GRK5: variants seen among roughly 807,000 people sequenced by gnomAD.
GRK5 encodes g protein-coupled receptor kinase GRK5.
In GRK5, 40 loss-of-function variants were observed where a neutral mutation model predicts 78.4. The ratio of observed to expected loss-of-function variants is 0.51; its 90% CI spans 0.40 to 0.66. The LOEUF is 0.66. Among genes scored for constraint, GRK5 ranks in the 30% least tolerant of loss-of-function variants. The pLI, the probability that GRK5 is intolerant of heterozygous loss-of-function variation, is 0.00. For missense variants in GRK5, 598 were observed against 759.9 expected (o/e 0.79, Z 2.50); for synonymous variants, 289 against 296.8 (o/e 0.97, Z 0.27).
intron 5 of GRK5, 105 bp downstream of exon 5, chr10:119,423,371 C>T (rs1260321261): frequency 5.4e-6 from 4 of 741,748 alleles, no homozygotes; most frequent in East Asian, 5.0e-5. Context: ...TCTTCCATGC[C>T]TGACAGCTTC....
intron 2 of GRK5, among the ~76,000 whole-genome samples, chr10:119,369,007 T>C (rs1026354111): frequency 1.3e-5 from 2 of 152,178 alleles, no homozygotes; most frequent in Non-Finnish European, 2.9e-5. Context: ...TGTTGGTTTG[T>C]TCAATCATTC....
At chr10:119,409,320 C>G (rs556728463) in intron 4 of GRK5, among the ~76,000 whole-genome samples, 43 of 152,360 alleles carry the variant, frequency 2.8e-4, no homozygotes, top group African/African-American at 7.0e-4. Context: ...TCCTGACGCC[C>G]TTGAGGCTGA....
rs1214375488 is a variant in GRK5, at chr10:119,456,413, GC to G, written c.*1351del. ...GCCAGCCCAGGGGCCTCTGAAGGCA[GC>G]CCCCAGACCCTTGTAGCAGGGCTGT... On this transcript the variant is annotated 3_prime_UTR_variant, in exon 16 of 16. Coordinates refer to ENST00000392870, the MANE Select transcript of GRK5 (RefSeq NM_005308.3). This position sits in a 1 kb window ranked among gnomAD's most constrained non-coding sequence, Gnocchi z 5.5. The G allele has an allele frequency of 6.6e-6, 1 of 152,228 alleles. No homozygotes were observed. The highest frequency in any genetic ancestry group is 1.5e-5 in the Non-Finnish European group (1 of 68,062). 9.4% of individuals were successfully genotyped at this position (152,228 alleles called of 1,614,324 possible).
Position 119,436,755 on chromosome 10 carries a change from TG to T in GRK5, c.845del (p.Gly282AlafsTer18), listed in dbSNP as rs1852927233. 6.2e-7 allele frequency: 1 copy of T among 1,614,182 alleles called. No individual in the cohort carries two copies. ...TCCACATCTACAACATGGGCAACCC[TG>T]GCTTCGAGGAGGAGCGGGCCTTGTT... is the stretch of plus-strand genomic sequence containing the variant. ...KFHIYNMGNP[G>X]FEEERALFYA... On this transcript the variant is annotated frameshift_variant, in exon 9 of 16. Coordinates refer to ENST00000392870, the MANE Select transcript of GRK5 (RefSeq NM_005308.3). LOFTEE classifies it high-confidence loss of function.
chr10:119,327,153 T>A (rs78191276), intron 2 of GRK5, among the ~76,000 whole-genome samples: 10,464 of 152,154 alleles, frequency 0.069, 936 homozygotes, highest in African/African-American at 0.21. Flanking sequence ...GCTGGGGATG[T>A]CAGTGCTCCT....
intron 4 of GRK5, among the ~76,000 whole-genome samples, chr10:119,418,021 G>C (rs1537576): frequency 0.39 from 58,573 of 152,082 alleles, 12,775 homozygotes; most frequent in Admixed American, 0.48. Context: ...TAGGGAAGAG[G>C]TGGTAAGAAG....
intron 1 of GRK5, among the ~76,000 whole-genome samples, chr10:119,321,535 T>C (rs1850586176): frequency 6.6e-6 from 1 of 152,220 alleles, no homozygotes; most frequent in Non-Finnish European, 1.5e-5. Flanking sequence ...ATTGCATCAC[T>C]CTGACACTGG....
At chr10:119,276,888 A>C (rs937120783) in intron 1 of GRK5, among the ~76,000 whole-genome samples, 1 of 152,230 alleles carries the variant, frequency 6.6e-6, no homozygotes, top group Non-Finnish European at 1.5e-5. Flanking sequence ...CTTGTGTGAA[A>C]GAGGAATAGC....
intron 8 of GRK5, among the ~76,000 whole-genome samples, chr10:119,434,900 T>C (rs929164387): frequency 2.6e-5 from 4 of 152,242 alleles, no homozygotes; most frequent in Non-Finnish European, 5.9e-5. Context: ...ACCTGAGCAT[T>C]CAGGTGTTTT....
In GRK5 at chr10:119,451,366, G is replaced by A. The variant is rs796506792; in HGVS notation, c.1405-1305G>A. Among the ~76,000 whole-genome samples, 65 of 152,018 alleles carry A rather than the reference G, an allele frequency of 4.3e-4. 1 individual carries two copies. Among genetic ancestry groups the A allele is most frequent in the African/African-American group, 1.3e-3 (52 of 41,452 alleles). ...GTTCCATTACAGATTTTTAAAATAC[G>A]CTCATTTCTTAACATTCCTCTGCAA... is the stretch of plus-strand genomic sequence containing the variant. On this transcript the variant is annotated intron_variant, in intron 13 of 15. Coordinates refer to ENST00000392870, the MANE Select transcript of GRK5 (RefSeq NM_005308.3).
intron 1 of GRK5, among the ~76,000 whole-genome samples, chr10:119,305,715 G>C (rs1850263162): frequency 6.6e-6 from 1 of 152,234 alleles, no homozygotes; most frequent in South Asian, 2.1e-4. Flanking sequence ...AACGTCATTT[G>C]AGAGGTAAAA....
chr10:119,454,702 A>T (rs1007012336), intron 15 of GRK5, among the ~76,000 whole-genome samples: 6 of 152,208 alleles, frequency 3.9e-5, no homozygotes, highest in Admixed American at 3.9e-4. Context: ...CAGCCCAGGC[A>T]GCGTAACCCC....
rs754208434 is a variant in GRK5 at position 119,282,035 on chromosome 10, G to A, written c.53-44481G>A. ...CCTTGCCCTCCCCTCCTTGGTCTGCGTCTCTTGCTCTGCTGGCCACTGTCG... is the reference window on the plus strand; with the variant it reads ...CCTTGCCCTCCCCTCCTTGGTCTGCATCTCTTGCTCTGCTGGCCACTGTCG... On this transcript the variant is annotated intron_variant, in intron 1 of 15. Transcript: ENST00000392870. 2.0e-5 allele frequency among the ~76,000 whole-genome samples: 3 copies of A among 152,030 alleles called. No individual in the cohort carries two copies. The East Asian group carries it at 5.8e-4, about 29-fold the overall frequency.
chr10:119,366,790 A>G (rs1483900315), intron 2 of GRK5, among the ~76,000 whole-genome samples: 1 of 152,182 alleles, frequency 6.6e-6, no homozygotes, highest in Non-Finnish European at 1.5e-5. Context: ...ATGTGATGTC[A>G]TCCACCTCTC....
intron 2 of GRK5, among the ~76,000 whole-genome samples, chr10:119,358,898 G>A (rs752535014): frequency 6.6e-6 from 1 of 152,058 alleles, no homozygotes; most frequent in South Asian, 2.1e-4. Context: ...GTCCTTGCCC[G>A]GCCTTTCCTC....
intron 13 of GRK5, 146 bp downstream of exon 13, chr10:119,448,406 C>A: frequency 2.2e-6 from 2 of 909,926 alleles, no homozygotes; most frequent in Non-Finnish European, 3.2e-6. Flanking sequence ...CCACTCCTCA[C>A]CTAAGCTGCA....
chr10:119,364,294 G>A (rs1033590042), intron 2 of GRK5, among the ~76,000 whole-genome samples: 1 of 152,220 alleles, frequency 6.6e-6, no homozygotes, highest in Non-Finnish European at 1.5e-5. Context: ...TTCCCTTGGG[G>A]GTGGAGCTCT....
intron 6 of GRK5, among the ~76,000 whole-genome samples, chr10:119,425,736 C>T (rs1589803171): frequency 6.6e-6 from 1 of 152,364 alleles, no homozygotes; most frequent in Non-Finnish European, 1.5e-5. Flanking sequence ...ATTTTCTTGT[C>T]TCTCTAATAA....
chr10:119,308,078 G>A (rs533619085), intron 1 of GRK5, among the ~76,000 whole-genome samples: 1 of 152,136 alleles, frequency 6.6e-6, no homozygotes, highest in African/African-American at 2.4e-5. Flanking sequence ...CACCCATGGC[G>A]GGTCTGCACT....
Sources: gnomAD v4.1 joint callset for allele counts (sites outside exome capture counted in the v4.1 genomes callset) on GRCh38, gnomAD v4.1.1 for gene constraint, Gnocchi (gnomAD v3.1) non-coding constraint, MANE v1.5 for transcripts, NCBI Gene and HGNC (gene_info 2026-07-23, HGNC 2026-07-21) for gene names.